Variants in ENOX1 observed in about 807,000 individuals in gnomAD.
ENOX1 encodes ecto-NOX disulfide-thiol exchanger 1.
In ENOX1, 42 loss-of-function variants were observed where a neutral mutation model predicts 82.5. That is an observed-to-expected ratio of 0.51 (90% CI 0.40 to 0.66). ENOX1 has a LOEUF of 0.66. Ranked by LOEUF, ENOX1 falls within the 30% of genes least tolerant of loss-of-function variation. The pLI is 0.00. For synonymous variants in ENOX1, 271 were observed against 282.2 expected, an observed-to-expected ratio of 0.96 and a Z score of 0.40; for missense variants, 608 against 811.6, an observed-to-expected ratio of 0.75 and a Z score of 3.05.
chr13:43,686,550 T>G (rs2086086793), intron 1 of ENOX1, among the ~76,000 whole-genome samples: 1 of 152,234 alleles, frequency 6.6e-6, no homozygotes, highest in Non-Finnish European at 1.5e-5. Flanking sequence ...TCGAACCATA[T>G]GAATGTTGAC....
At chr13:43,214,490 T>G (rs1199748823) in intron 16 of ENOX1, among the ~76,000 whole-genome samples, 1 of 152,170 alleles carries the variant, frequency 6.6e-6, no homozygotes, top group African/African-American at 2.4e-5. Context: ...ACTAGTGGCT[T>G]CATCCTCATC....
chr13:43,230,395 G>C (rs767020100), intron 15 of ENOX1, among the ~76,000 whole-genome samples: 8 of 152,150 alleles, frequency 5.3e-5, no homozygotes, highest in Non-Finnish European at 7.3e-5. Flanking sequence ...GAAATGGACT[G>C]TTGCTGGAAA....
At chr13:43,243,478 C>T (rs934832933) in intron 14 of ENOX1, among the ~76,000 whole-genome samples, 21 of 152,220 alleles carry the variant, frequency 1.4e-4, no homozygotes, top group African/African-American at 4.3e-4. Context: ...TTTAGGGATG[C>T]GGTCTCACTA....
At chr13:43,383,464 T>C (rs1194440662) in intron 5 of ENOX1, among the ~76,000 whole-genome samples, 1 of 152,206 alleles carries the variant, frequency 6.6e-6, no homozygotes, top group Non-Finnish European at 1.5e-5. Context: ...AATATTAAGA[T>C]AAAGCTAGTG....
intron 14 of ENOX1, among the ~76,000 whole-genome samples, chr13:43,248,736 T>C (rs2043281351): frequency 6.6e-6 from 1 of 152,100 alleles, no homozygotes; most frequent in South Asian, 2.1e-4. Context: ...ATATACAAAG[T>C]AAAGATTAAA....
intron 14 of ENOX1, among the ~76,000 whole-genome samples, chr13:43,244,119 C>T (rs536619592): frequency 7.2e-4 from 108 of 150,714 alleles, no homozygotes; most frequent in South Asian, 1.7e-3. Flanking sequence ...TGTTCTAAAT[C>T]TGTCACATTA....
At chr13:43,780,390 T>C (rs1168983294) in intron 1 of ENOX1, among the ~76,000 whole-genome samples, 1 of 152,124 alleles carries the variant, frequency 6.6e-6, no homozygotes, top group East Asian at 1.9e-4. Flanking sequence ...CAAATACATA[T>C]TGAGCACCTA....
chr13:43,360,440 G>A (rs1195208474), intron 6 of ENOX1, among the ~76,000 whole-genome samples: 1 of 152,096 alleles, frequency 6.6e-6, no homozygotes, highest in Non-Finnish European at 1.5e-5. Context: ...GCTTTGTCTT[G>A]TTTCCAGATA....
chr13:43,772,758 A>G (rs1951714217), intron 1 of ENOX1, among the ~76,000 whole-genome samples: 1 of 151,316 alleles, frequency 6.6e-6, no homozygotes, highest in Non-Finnish European at 1.5e-5. Flanking sequence ...TTAAAAAAAA[A>G]AAAAAAAAAA....
chr13:43,269,384 A>C, intron 13 of ENOX1, 86 bp downstream of exon 13: 1 of 1,033,544 alleles, frequency 9.7e-7, no homozygotes, highest in Non-Finnish European at 1.5e-6. Flanking sequence ...TACTTTCAGT[A>C]AATGTTTGCA....
At chr13:43,417,220 AC>A (rs768961293) in intron 3 of ENOX1, among the ~76,000 whole-genome samples, 18,849 of 98,408 alleles carry the variant, frequency 0.19, 2,186 homozygotes, top group East Asian at 0.52. Flanking sequence ...GAGACGGGAG[AC>A]GGGAGACGGG....
chr13:43,540,997 G>A (rs942080450), intron 2 of ENOX1, among the ~76,000 whole-genome samples: 2 of 151,838 alleles, frequency 1.3e-5, no homozygotes, highest in African/African-American at 4.8e-5. Context: ...GCTGATGAGA[G>A]GTGTTTGCAG....
intron 3 of ENOX1, among the ~76,000 whole-genome samples, chr13:43,431,905 C>A (rs2153614128): frequency 6.6e-6 from 1 of 152,284 alleles, no homozygotes; most frequent in Non-Finnish European, 1.5e-5. Context: ...TCGAACACCT[C>A]CTTTACTGGC....
intron 2 of ENOX1, among the ~76,000 whole-genome samples, chr13:43,628,617 G>T (rs1204183328): frequency 6.6e-6 from 1 of 152,156 alleles, no homozygotes; most frequent in Admixed American, 6.5e-5. Context: ...GCTATTGACT[G>T]TCTCTTTTCA....
chr13:43,649,831 C>T (rs1044883780), intron 2 of ENOX1, among the ~76,000 whole-genome samples: 30 of 152,198 alleles, frequency 2.0e-4, no homozygotes, highest in African/African-American at 7.0e-4. Context: ...TTTAAGGCAA[C>T]AGCCTAAGTC....
chr13:43,655,461 T>A (rs1350150256), intron 2 of ENOX1, among the ~76,000 whole-genome samples: 3 of 152,130 alleles, frequency 2.0e-5, no homozygotes, highest in African/African-American at 7.2e-5. Context: ...TCTCTATCAG[T>A]CCTGTCATCA....
intron 2 of ENOX1, among the ~76,000 whole-genome samples, chr13:43,555,413 T>C (rs1487799711): frequency 6.6e-6 from 1 of 152,236 alleles, no homozygotes; most frequent in Non-Finnish European, 1.5e-5. Context: ...CTTCACTAAT[T>C]AGTCTATAAA....
Position 43,361,429 on chromosome 13 carries a change from C to T in ENOX1, c.232G>A (p.Asp78Asn). 1 of 1,612,582 alleles carries T rather than the reference C, an allele frequency of 6.2e-7. No homozygotes were observed. Among genetic ancestry groups the T allele is most frequent in the Non-Finnish European group, 8.5e-7 (1 of 1,179,624 alleles). Residue 78 changes from aspartate (D) to asparagine (N), a missense_variant, in exon 6 of 17, where the codon GAT becomes AAT. Physicochemically the swap from Asp to Asn is conservative, Grantham distance 23. Coordinates refer to ENST00000690772, the MANE Select transcript of ENOX1 (RefSeq NM_001347969.2). ...CCAGTCATCATGTTGAGGCTTGGAT[C>T]AAAGCCTGGGACACAGATTGAGTCT... ...VSDSICVPGFDPSLNMMTGIT... is the reference protein window; with the variant it reads ...VSDSICVPGFNPSLNMMTGIT...
chr13:43,493,044 A>G (rs1238507620), intron 2 of ENOX1, among the ~76,000 whole-genome samples: 1 of 152,024 alleles, frequency 6.6e-6, no homozygotes, highest in African/African-American at 2.4e-5. Flanking sequence ...TCTTCCCTAG[A>G]TCTCCAGCCT....
Sources: gnomAD v4.1 joint callset for allele counts (sites outside exome capture counted in the v4.1 genomes callset) on GRCh38, gnomAD v4.1.1 for gene constraint, MANE v1.5 for transcripts, NCBI Gene and HGNC (gene_info 2026-07-23, HGNC 2026-07-21) for gene names.